AARS1: variants seen among roughly 807,000 people sequenced by gnomAD.
The protein encoded by AARS1 is alanyl-tRNA synthetase 1, also known as alanine--tRNA ligase, cytoplasmic.
Under a neutral mutation model 108.9 loss-of-function variants are expected in AARS1, and 72 were observed. That is an observed-to-expected ratio of 0.66 (90% confidence interval 0.55 to 0.80). The LOEUF is 0.80. Among genes scored for constraint, AARS1 ranks in the 30% least tolerant of loss-of-function variants. The probability of loss-of-function intolerance (pLI) is 0.00; values close to 1 mark genes in which losing one functional copy is unlikely to be tolerated. For synonymous variants in AARS1, 489 were observed against 465.7 expected, an observed-to-expected ratio of 1.05 and a Z score of -0.64; for missense variants, 1,193 against 1,233.2, an observed-to-expected ratio of 0.97 and a Z score of 0.49.
At position 70,262,967 on chromosome 16, in the gene AARS1, CAAAAAAAAAAA is replaced by C. The variant is rs57444625; in HGVS notation, c.1493-454_1493-444del. 3.2e-3 allele frequency among the ~76,000 whole-genome samples: 66 copies of C among 20,598 alleles called. 1 individual carries two copies. The highest frequency in any genetic ancestry group is 0.011 in the South Asian group (2 of 188). 13.5% of individuals were successfully genotyped at this position (20,598 alleles called of 152,430 possible). On this transcript the variant is annotated intron_variant, in intron 11 of 20. Transcript: ENST00000261772. ...TGGGTGACAAAGCAAGACTCGGTCT[CAAAAAAAAAAA>C]AAAAAAAAAAAAAAAAAAAACAACA...
chr16:70,261,899 C>T (rs1340508502), intron 12 of AARS1, among the ~76,000 whole-genome samples: 1 of 151,920 alleles, frequency 6.6e-6, no homozygotes, highest in African/African-American at 2.4e-5. Flanking sequence ...GAACTCCTGA[C>T]CTCAGGCGAT....
At chr16:70,258,366 C>A in intron 14 of AARS1, 149 bp from the exon 15 acceptor site, 1 of 788,822 alleles carries the variant, frequency 1.3e-6, no homozygotes, top group Non-Finnish European at 2.1e-6. Flanking sequence ...TCACACGCCA[C>A]GTGCAAAGTC....
chr16:70,265,749 A>G, intron 9 of AARS1, 87 bp from the exon 10 acceptor site: 1 of 1,543,780 alleles, frequency 6.5e-7, no homozygotes. Context: ...GGACTGGCAG[A>G]AGGAATTAAA....
chr16:70,273,016 C>A (rs1960447912), intron 4 of AARS1, among the ~76,000 whole-genome samples: 1 of 151,678 alleles, frequency 6.6e-6, no homozygotes, highest in South Asian at 2.1e-4. Flanking sequence ...TTTTAAAAAC[C>A]AGCGTCAAGA....
chr16:70,259,264 G>A, intron 13 of AARS1, 78 bp from the exon 14 acceptor site: 2 of 1,445,930 alleles, frequency 1.4e-6, no homozygotes, highest in South Asian at 2.3e-5. Context: ...TCCCCCGAGT[G>A]CTACAATTTT....
At chr16:70,283,390 C>T (rs972159461) in intron 1 of AARS1, among the ~76,000 whole-genome samples, 90 of 149,440 alleles carry the variant, frequency 6.0e-4, no homozygotes, top group African/African-American at 2.1e-3. Context: ...AGAGAGACTC[C>T]GTCTCAAAAA....
In AARS1 at chr16:70,282,832, A is replaced by G. The variant is rs1960737829; in HGVS notation, c.-21-48T>C. 3 of 1,575,866 alleles carry G rather than the reference A, an allele frequency of 1.9e-6. No individual in the cohort carries two copies. In the Admixed American group the frequency reaches 5.0e-5, roughly 26 times the overall value. On this transcript the variant is annotated intron_variant, in intron 1 of 20. Coordinates refer to ENST00000261772, the MANE Select transcript of AARS1 (RefSeq NM_001605.3). ...AGGAAAATTAAGGGAATTGAAAGTCAAAGTACACATTACACAAGACTTCTG... is the reference window on the plus strand; with the variant it reads ...AGGAAAATTAAGGGAATTGAAAGTCGAAGTACACATTACACAAGACTTCTG...
chr16:70,263,960 T>C (rs758382042), intron 11 of AARS1, among the ~76,000 whole-genome samples: 1 of 152,044 alleles, frequency 6.6e-6, no homozygotes, highest in Non-Finnish European at 1.5e-5. Flanking sequence ...TAGAATACTA[T>C]TATCCGGTCG....
At chr16:70,258,872 C>T (rs1284334026) in intron 14 of AARS1, 108 bp downstream of exon 14, 11 of 1,323,386 alleles carry the variant, frequency 8.3e-6, no homozygotes, top group East Asian at 4.6e-5. Flanking sequence ...AGCAAATCTA[C>T]GTGCAGGACG....
intron 2 of AARS1, among the ~76,000 whole-genome samples, chr16:70,279,670 CAAAAA>C (rs367753826): frequency 0.071 from 8,196 of 114,648 alleles, 277 homozygotes; most frequent in South Asian, 0.085. Flanking sequence ...CAAAAAAAAA[CAAAAA>C]AAAAAAAAAA....
chr16:70,267,553 T>G (rs1170384744), intron 9 of AARS1, 106 bp downstream of exon 9: 5 of 1,401,462 alleles, frequency 3.6e-6, no homozygotes, highest in Non-Finnish European at 3.0e-6. Context: ...CAAGCTATGT[T>G]CAGCCTCAGA....
chr16:70,259,604 TCCC>T (rs1242059540), intron 13 of AARS1, among the ~76,000 whole-genome samples: 1 of 152,044 alleles, frequency 6.6e-6, no homozygotes, highest in African/African-American at 2.4e-5. Context: ...TGCCTCAGCC[TCCC>T]AAGTAGCTGG....
chr16:70,258,968 C>T lies in AARS1; in HGVS notation c.1992+12G>A, dbSNP rs1597435765. 1.2e-6 allele frequency: 2 copies of T among 1,613,548 alleles called. No homozygotes were observed. Among genetic ancestry groups the T allele is most frequent in the South Asian group, 1.1e-5 (1 of 91,048 alleles). On this transcript the variant is annotated intron_variant, in intron 14 of 20. Coordinates refer to ENST00000261772, the MANE Select transcript of AARS1 (RefSeq NM_001605.3). ...GTGGGGAGGGGGGGCATTCAGCCGT[C>T]GCCCATCCTACCTTGGCTGCCTCAA... is the stretch of plus-strand genomic sequence containing the variant.
chr16:70,267,143 C>CTT (rs1960283705), intron 9 of AARS1, among the ~76,000 whole-genome samples: 1 of 152,114 alleles, frequency 6.6e-6, no homozygotes, highest in Non-Finnish European at 1.5e-5. Flanking sequence ...GCTGACAAAT[C>CTT]TATTTCTTGA....
chr16:70,253,840 G>A, intron 18 of AARS1, 40 bp from the exon 19 acceptor site: 1 of 1,614,186 alleles, frequency 6.2e-7, no homozygotes, highest in East Asian at 2.2e-5. Context: ...CAGACCAAAA[G>A]CCCAGGCCCC....
intron 1 of AARS1, among the ~76,000 whole-genome samples, 177 bp from the exon 2 acceptor site, chr16:70,282,961 G>A (rs1960740625): frequency 6.6e-6 from 1 of 152,152 alleles, no homozygotes; most frequent in African/African-American, 2.4e-5. Flanking sequence ...GCAGACAGCA[G>A]CCCCATCTGT....
At chr16:70,258,323 G>C (rs1251732309) in intron 14 of AARS1, 106 bp from the exon 15 acceptor site, 1 of 1,267,124 alleles carries the variant, frequency 7.9e-7, no homozygotes, top group African/African-American at 1.5e-5. Context: ...TTCCAACCTG[G>C]CTTGGCCTAG....
rs1487772006 is a variant in AARS1 at position 70,276,481 on chromosome 16, C to T, written c.479+5G>A. The T allele has an allele frequency of 6.2e-7, 1 of 1,613,916 alleles. No individual in the cohort carries two copies. Among genetic ancestry groups the T allele is most frequent in the Admixed American group, 1.7e-5 (1 of 59,996 alleles). On this transcript the variant is annotated splice_donor_5th_base_variant and intron_variant, in intron 4 of 20. Transcript: ENST00000261772. Reference sequence around the variant, plus strand: ...ATACTCTCAAGAAGTGATGTGCATTCTTACCCCAAATTTTGCCAGATCTGT... The same window carrying T: ...ATACTCTCAAGAAGTGATGTGCATTTTTACCCCAAATTTTGCCAGATCTGT...
chr16:70,259,577 G>A (rs971816902), intron 13 of AARS1, among the ~76,000 whole-genome samples: 7 of 151,954 alleles, frequency 4.6e-5, no homozygotes, highest in African/African-American at 1.7e-4. Flanking sequence ...CAAACTCCTG[G>A]GCTCAAGTGA....
Sources: allele counts gnomAD v4.1 joint callset (sites outside exome capture counted in the v4.1 genomes callset), GRCh38; gene constraint gnomAD v4.1.1; transcripts MANE v1.5; gene names NCBI Gene and HGNC (gene_info 2026-07-23, HGNC 2026-07-21).